Variants in ADARB2 observed in about 807,000 individuals in gnomAD.
ADARB2 encodes adenosine deaminase RNA specific B2 (inactive), also known as inactive double-stranded RNA-specific editase B2.
Under a neutral mutation model 62.2 loss-of-function variants are expected in ADARB2, and 25 were observed. The ratio of observed to expected loss-of-function variants is 0.40; its 90% confidence interval spans 0.29 to 0.56. ADARB2 has a LOEUF of 0.56. ADARB2 is among the 20% of genes least tolerant of loss of function. ADARB2 has a pLI of 0.43. For synonymous variants in ADARB2, 572 were observed against 500.8 expected (o/e 1.14, Z -1.90); for missense variants, 1,071 against 1,077.4 (o/e 0.99, Z 0.08).
At chr10:1,611,895 G>GT (rs1833577243) in intron 1 of ADARB2, among the ~76,000 whole-genome samples, 2 of 152,166 alleles carry the variant, frequency 1.3e-5, no homozygotes, top group Admixed American at 6.5e-5. Context: ...CCCCAGATGC[G>GT]TGGTGCCTGG....
chr10:1,649,498 A>G (rs908194023), intron 1 of ADARB2, among the ~76,000 whole-genome samples: 6 of 152,176 alleles, frequency 3.9e-5, no homozygotes, highest in African/African-American at 1.4e-4. Flanking sequence ...GGCTCATTTG[A>G]CAGCTAACCT....
chr10:1,382,573 C>A (rs1329195509), intron 1 of ADARB2, among the ~76,000 whole-genome samples: 1 of 152,172 alleles, frequency 6.6e-6, no homozygotes. Flanking sequence ...CATTTGGGAT[C>A]TGATGTATAT....
At chr10:1,684,398 A>C (rs1834575718) in intron 1 of ADARB2, among the ~76,000 whole-genome samples, 1 of 152,218 alleles carries the variant, frequency 6.6e-6, no homozygotes, top group African/African-American at 2.4e-5. Context: ...TCAAAGTTAA[A>C]ACTTTGTGGT....
At chr10:1,607,138 A>C (rs1340422831) in intron 1 of ADARB2, among the ~76,000 whole-genome samples, 1 of 152,236 alleles carries the variant, frequency 6.6e-6, no homozygotes, top group Non-Finnish European at 1.5e-5. Context: ...TAGGCCTTTT[A>C]ACTTTGATAA....
At chr10:1,346,916 T>C (rs1239466755) in intron 3 of ADARB2, among the ~76,000 whole-genome samples, 2 of 152,262 alleles carry the variant, frequency 1.3e-5, no homozygotes, top group Non-Finnish European at 2.9e-5. Context: ...AATGGGGACG[T>C]GTGCCTGTTT....
intron 4 of ADARB2, among the ~76,000 whole-genome samples, chr10:1,263,363 CAGGT>C (rs975878683): frequency 5.9e-5 from 9 of 152,278 alleles, no homozygotes; most frequent in Middle Eastern, 3.4e-3. Context: ...GCCTGGCATG[CAGGT>C]AAACACTGGA....
chr10:1,373,778 A>C (rs1832395591), intron 2 of ADARB2, among the ~76,000 whole-genome samples: 1 of 64,338 alleles, frequency 1.6e-5, no homozygotes, highest in Admixed American at 2.2e-4. Flanking sequence ...TCCTAATGAG[A>C]CCACGTGGAC....
chr10:1,558,602 C>G (rs1217432692), intron 1 of ADARB2, among the ~76,000 whole-genome samples: 1 of 133,154 alleles, frequency 7.5e-6, no homozygotes, highest in Admixed American at 7.6e-5. Context: ...GGGTGCTCAG[C>G]CCCTGCATGC....
In ADARB2 at chr10:1,506,822, C is replaced by T. The variant is rs147475562; in HGVS notation, c.101-127662G>A. ...TGGAGTCTTTGGGAGGTGATTGGGTCATGGGGGTGGGGCCCGGTGATGGGA... is the reference window on the plus strand; with the variant it reads ...TGGAGTCTTTGGGAGGTGATTGGGTTATGGGGGTGGGGCCCGGTGATGGGA... On this transcript the variant is annotated intron_variant, in intron 1 of 9. Coordinates refer to ENST00000381312, the MANE Select transcript of ADARB2 (RefSeq NM_018702.4). Among the ~76,000 whole-genome samples, 10 of 152,332 alleles carry T rather than the reference C, an allele frequency of 6.6e-5. No individual in the cohort carries two copies. In the East Asian group the frequency reaches 1.9e-3, roughly 29 times the overall value.
In ADARB2 at chr10:1,375,934, GCA is replaced by G. The variant is rs1412624062; in HGVS notation, c.187+3138_187+3139del. On this transcript the variant is annotated intron_variant, in intron 2 of 9. Coordinates refer to ENST00000381312, the MANE Select transcript of ADARB2 (RefSeq NM_018702.4). ...ACACTTGCCACACATGCACACACGT[GCA>G]CAGACACACACCACACACATGCACA... Among the ~76,000 whole-genome samples the G allele has an allele frequency of 5.9e-5, 8 of 136,624 alleles. No homozygotes were observed. In the South Asian group the frequency reaches 9.5e-4, roughly 16 times the overall value. The allele number at this position is 136,624 out of a possible 152,430, so 89.6% of individuals were successfully genotyped here.
intron 1 of ADARB2, among the ~76,000 whole-genome samples, chr10:1,489,153 C>T (rs552409589): frequency 2.1e-4 from 32 of 152,246 alleles, no homozygotes; most frequent in Non-Finnish European, 4.4e-4. Context: ...CAAAGTTACT[C>T]CCTGATACTT....
chr10:1,711,745 A>G (rs1204899141), intron 1 of ADARB2, among the ~76,000 whole-genome samples: 1 of 152,236 alleles, frequency 6.6e-6, no homozygotes, highest in Non-Finnish European at 1.5e-5. Context: ...CATGAAAATA[A>G]GTAATGAAAG....
intron 1 of ADARB2, among the ~76,000 whole-genome samples, chr10:1,499,833 C>T (rs980005426): frequency 4.6e-5 from 7 of 152,138 alleles, no homozygotes; most frequent in Non-Finnish European, 1.0e-4. Flanking sequence ...TCACTTAACA[C>T]TCATTCATTA....
At chr10:1,488,136 T>C (rs1007256283) in intron 1 of ADARB2, among the ~76,000 whole-genome samples, 5 of 152,148 alleles carry the variant, frequency 3.3e-5, no homozygotes. Context: ...CTTAAGCATC[T>C]GACTATTTCA....
intron 1 of ADARB2, among the ~76,000 whole-genome samples, chr10:1,451,722 A>G (rs1340015950): frequency 6.6e-6 from 1 of 152,174 alleles, no homozygotes; most frequent in African/African-American, 2.4e-5. Flanking sequence ...GGAGGGACAC[A>G]CCCATATGAG....
intron 3 of ADARB2, among the ~76,000 whole-genome samples, chr10:1,286,099 G>A (rs1028330886): frequency 6.6e-6 from 1 of 152,006 alleles, no homozygotes. Context: ...GGCGGGTGGT[G>A]CCTCACTGGA....
chr10:1,320,996 G>A (rs1483676118), intron 3 of ADARB2, among the ~76,000 whole-genome samples: 2 of 152,198 alleles, frequency 1.3e-5, no homozygotes, highest in African/African-American at 2.4e-5. Flanking sequence ...ATATTTTACT[G>A]TGAAATGTTC....
At chr10:1,359,527 G>A (rs910882881) in intron 3 of ADARB2, among the ~76,000 whole-genome samples, 1 of 152,218 alleles carries the variant, frequency 6.6e-6, no homozygotes, top group Non-Finnish European at 1.5e-5. Context: ...AAATTCGGAT[G>A]ACACACAAGT....
At chr10:1,287,735 A>C (rs2131808665) in intron 3 of ADARB2, among the ~76,000 whole-genome samples, 2 of 152,332 alleles carry the variant, frequency 1.3e-5, no homozygotes, top group East Asian at 3.9e-4. Flanking sequence ...TCACTCTTTA[A>C]TTACATGTAC....
Sources: allele counts gnomAD v4.1 joint callset (sites outside exome capture counted in the v4.1 genomes callset), GRCh38; gene constraint gnomAD v4.1.1; transcripts MANE v1.5; gene names NCBI Gene and HGNC (gene_info 2026-07-23, HGNC 2026-07-21).